Variants in SNTB1 observed in about 807,000 individuals in gnomAD.
SNTB1 encodes the protein beta-1-syntrophin.
SNTB1 carries 36 observed loss-of-function variants against 48.9 expected under a neutral mutation model. That is an observed-to-expected ratio of 0.74 (90% CI 0.56 to 0.97). The LOEUF is 0.97. Ranked by LOEUF, SNTB1 falls within the 50% of genes least tolerant of loss-of-function variation. The probability of loss-of-function intolerance (pLI) is 0.00; values close to 1 mark genes in which losing one functional copy is unlikely to be tolerated. For missense variants in SNTB1, 786 were observed against 703.4 expected, an observed-to-expected ratio of 1.12 and a Z score of -1.33; for synonymous variants, 299 against 294.6, an observed-to-expected ratio of 1.01 and a Z score of -0.15.
At chr8:120,595,608 T>G (rs1336911375) in intron 3 of SNTB1, among the ~76,000 whole-genome samples, 1 of 151,618 alleles carries the variant, frequency 6.6e-6, no homozygotes, top group Non-Finnish European at 1.5e-5. Context: ...TTTTAGACAG[T>G]GTTTCACTCT....
chr8:120,584,322 G>A (rs1319794390), intron 3 of SNTB1, among the ~76,000 whole-genome samples: 1 of 149,980 alleles, frequency 6.7e-6, no homozygotes, highest in Non-Finnish European at 1.5e-5. Flanking sequence ...GGTGCCTGTA[G>A]TCCCAACTAC....
At chr8:120,581,088 C>CAAAAAAAAAAAAAA (rs775547135) in intron 3 of SNTB1, among the ~76,000 whole-genome samples, 1 of 89,994 alleles carries the variant, frequency 1.1e-5, no homozygotes, top group African/African-American at 3.7e-5. Flanking sequence ...GACCCTGTCT[C>CAAAAAAAAAAAAAA]AAAAAAAAAA....
At chr8:120,590,811 C>T (rs9656805) in intron 3 of SNTB1, among the ~76,000 whole-genome samples, 3,969 of 151,650 alleles carry the variant, frequency 0.026, 168 homozygotes, top group African/African-American at 0.092. Flanking sequence ...CTCAGGCTCC[C>T]GAGTAGCTGG....
chr8:120,716,963 C>T (rs897611579), intron 1 of SNTB1, among the ~76,000 whole-genome samples: 3 of 152,196 alleles, frequency 2.0e-5, no homozygotes, highest in Non-Finnish European at 4.4e-5. Context: ...TGAGCTACTC[C>T]TCTCTGCAGA....
At chr8:120,691,558 C>A (rs1818127798) in intron 2 of SNTB1, among the ~76,000 whole-genome samples, 2 of 152,124 alleles carry the variant, frequency 1.3e-5, no homozygotes, top group South Asian at 4.1e-4. Flanking sequence ...AGAGTTCATT[C>A]CCTTATCAAA....
chr8:120,616,706 T>G (rs1466318513), intron 3 of SNTB1, among the ~76,000 whole-genome samples: 2 of 152,188 alleles, frequency 1.3e-5, no homozygotes, highest in African/African-American at 2.4e-5. Flanking sequence ...GCACTTCCAT[T>G]TGCATAAAGC....
At chr8:120,628,627 T>C (rs987008249) in intron 3 of SNTB1, among the ~76,000 whole-genome samples, 3 of 152,068 alleles carry the variant, frequency 2.0e-5, no homozygotes, top group African/African-American at 7.2e-5. Flanking sequence ...TGTGGTGGCA[T>C]GCGCCTGTAA....
At position 120,575,129 on chromosome 8, in the gene SNTB1, C is replaced by T. The variant is rs368125907; in HGVS notation, c.1093G>A (p.Ala365Thr). Residue 365 changes from alanine (A) to threonine (T), a missense_variant, in exon 4 of 7, where the codon GCC becomes ACC. By Grantham distance (58) the Ala-to-Thr change is moderately conservative. Transcript: ENST00000517992. ...TATGTGTGAACTGGGCTGAACCAGG[C>T]TTCCTTCCTCCGTGGCATGCTGTCA... is the stretch of plus-strand genomic sequence containing the variant. Reference protein sequence around the residue: ...IYDSMPRRKEAWFSPVHTYPL... With the variant: ...IYDSMPRRKETWFSPVHTYPL... 4 of 1,614,070 alleles carry T rather than the reference C, an allele frequency of 2.5e-6. No individual in the cohort carries two copies. The highest frequency in any genetic ancestry group is 2.2e-5 in the East Asian group (1 of 44,898).
intron 3 of SNTB1, among the ~76,000 whole-genome samples, chr8:120,627,751 C>T (rs751117668): frequency 5.3e-5 from 8 of 152,102 alleles, no homozygotes; most frequent in East Asian, 1.9e-4. Flanking sequence ...TTTTGGTCTG[C>T]GATACTGCTC....
intron 1 of SNTB1, among the ~76,000 whole-genome samples, chr8:120,737,985 T>G (rs1818977483): frequency 6.6e-6 from 1 of 152,162 alleles, no homozygotes; most frequent in Admixed American, 6.5e-5. Context: ...GTCTGAATGT[T>G]TGTATCCTCC....
At chr8:120,663,651 C>A in intron 2 of SNTB1, among the ~76,000 whole-genome samples, 1 of 151,752 alleles carries the variant, frequency 6.6e-6, no homozygotes, top group East Asian at 1.9e-4. Context: ...GAAAGGTGGG[C>A]AAAAAAGCAA....
intron 1 of SNTB1, among the ~76,000 whole-genome samples, chr8:120,784,002 TG>T (rs1466826410): frequency 6.6e-6 from 1 of 152,120 alleles, no homozygotes; most frequent in Non-Finnish European, 1.5e-5. Flanking sequence ...TGTTTTGTTT[TG>T]TTTTTTTTGA....
chr8:120,554,758 G>C (rs1363696148), intron 4 of SNTB1, among the ~76,000 whole-genome samples: 1 of 152,106 alleles, frequency 6.6e-6, no homozygotes, highest in East Asian at 1.9e-4. Context: ...ACTGATCCAC[G>C]TGGGATGAAA....
chr8:120,753,598 G>A (rs4870750), intron 1 of SNTB1, among the ~76,000 whole-genome samples: 19,247 of 152,150 alleles, frequency 0.13, 1,581 homozygotes, highest in African/African-American at 0.22. Context: ...ACAGAACTTC[G>A]GTCCCACAGT....
intron 1 of SNTB1, among the ~76,000 whole-genome samples, chr8:120,789,668 G>T (rs775312308): frequency 6.6e-6 from 1 of 151,488 alleles, no homozygotes; most frequent in Non-Finnish European, 1.5e-5. Flanking sequence ...TATAACCCCC[G>T]ACCTTGCTTG....
chr8:120,810,310 C>G (rs370651630), intron 1 of SNTB1, among the ~76,000 whole-genome samples: 21 of 152,278 alleles, frequency 1.4e-4, no homozygotes, highest in African/African-American at 4.6e-4. Flanking sequence ...TGTAGGCAGA[C>G]AGGAGAATTC....
At chr8:120,801,884 T>C (rs1820232067) in intron 1 of SNTB1, among the ~76,000 whole-genome samples, 1 of 152,156 alleles carries the variant, frequency 6.6e-6, no homozygotes, top group South Asian at 2.1e-4. Flanking sequence ...AAGACATTTG[T>C]CCTTCCTTCT....
intron 4 of SNTB1, among the ~76,000 whole-genome samples, chr8:120,551,577 T>C (rs1400991405): frequency 6.6e-6 from 1 of 151,542 alleles, no homozygotes; most frequent in Non-Finnish European, 1.5e-5. Flanking sequence ...ATGCAAAAAA[T>C]CAGCTGGGCA....
intron 3 of SNTB1, among the ~76,000 whole-genome samples, chr8:120,610,955 T>C (rs188111604): frequency 1.3e-5 from 2 of 152,248 alleles, no homozygotes. Flanking sequence ...ACTGTAACAC[T>C]TCCCCCCTCA....
Sources: gnomAD v4.1 joint callset for allele counts (sites outside exome capture counted in the v4.1 genomes callset) on GRCh38, gnomAD v4.1.1 for gene constraint, MANE v1.5 for transcripts, NCBI Gene and HGNC (gene_info 2026-07-23, HGNC 2026-07-21) for gene names.